Variants in SOS1 observed in about 807,000 individuals in gnomAD.
SOS1 encodes son of sevenless homolog 1.
Under a neutral mutation model 157.6 loss-of-function variants are expected in SOS1, and 25 were observed. The observed-to-expected ratio is 0.16, with a 90% CI of 0.12 to 0.22. SOS1 has a LOEUF of 0.22. SOS1 is among the 10% of genes least tolerant of loss of function. The pLI is 1.00. For synonymous variants in SOS1, 528 were observed against 534.0 expected, an observed-to-expected ratio of 0.99 and a Z score of 0.16; for missense variants, 1,237 against 1,599.1, an observed-to-expected ratio of 0.77 and a Z score of 3.86.
intron 2 of SOS1, among the ~76,000 whole-genome samples, chr2:39,062,435 T>TAAAAAAAAAAAAAAAAAAA (rs397974197): frequency 7.2e-6 from 1 of 138,470 alleles, no homozygotes; most frequent in Non-Finnish European, 1.6e-5. Context: ...AAAAAAAAAT[T>TAAAAAAAAAAAAAAAAAAA]AAAAAAAAAA....
At chr2:39,121,230 A>C (rs1673882961), upstream of SOS1, among the ~76,000 whole-genome samples, 1 of 152,066 alleles carries the variant, frequency 6.6e-6, no homozygotes, top group African/African-American at 2.4e-5. Flanking sequence ...GCACCCTGGC[A>C]AAGTGGGGCC....
At position 38,983,757 on chromosome 2, in the gene SOS1, ACTGT is replaced by A. The variant is rs886056011; in HGVS notation, c.*2063_*2066del. 3 of 152,144 alleles carry A rather than the reference ACTGT, an allele frequency of 2.0e-5. No homozygotes were observed. The highest frequency in any genetic ancestry group is 4.4e-5 in the Non-Finnish European group (3 of 68,008). 9.4% of individuals were successfully genotyped at this position (152,144 alleles called of 1,614,324 possible). On this transcript the variant is annotated 3_prime_UTR_variant, in exon 23 of 23. Transcript: ENST00000402219. ...AGTATAAAGTCCAGGGAGATTCTGGACTGTCTATCATGATTAGTTGTAGCGGCTC... is the reference window on the plus strand; with the variant it reads ...AGTATAAAGTCCAGGGAGATTCTGGACTATCATGATTAGTTGTAGCGGCTC...
At chr2:39,028,864 G>A (rs576714559) in intron 8 of SOS1, among the ~76,000 whole-genome samples, 5 of 152,252 alleles carry the variant, frequency 3.3e-5, no homozygotes, top group Admixed American at 6.5e-5. Flanking sequence ...TTCACATTTC[G>A]ATTTTGGAAT....
chr2:39,051,404 A>C, intron 5 of SOS1, 117 bp from the exon 6 acceptor site: 2 of 856,896 alleles, frequency 2.3e-6, no homozygotes. Flanking sequence ...CACAGTGAAA[A>C]ATTTTAATGA....
Position 39,098,747 on chromosome 2 carries a change from G to T in SOS1, c.87+21589C>A, listed in dbSNP as rs190801562. ...TACTAAAAATACAAAAAATTACCCA[G>T]GTGTGGTGGCAGGCGCCTGTGGTCC... is the stretch of plus-strand genomic sequence containing the variant. On this transcript the variant is annotated intron_variant, in intron 1 of 22. Transcript: ENST00000402219. 1.1e-3 allele frequency among the ~76,000 whole-genome samples: 168 copies of T among 152,264 alleles called. 1 individual carries two copies. The highest frequency in any genetic ancestry group is 3.9e-3 in the African/African-American group (163 of 41,554).
intron 1 of SOS1, among the ~76,000 whole-genome samples, chr2:39,079,760 T>C (rs1019571224): frequency 6.6e-6 from 1 of 152,156 alleles, no homozygotes; most frequent in Non-Finnish European, 1.5e-5. Flanking sequence ...CCCAAAGTGC[T>C]GGGATTACAG....
At chr2:39,060,428 G>T (rs1249984617) in intron 2 of SOS1, among the ~76,000 whole-genome samples, 1 of 152,022 alleles carries the variant, frequency 6.6e-6, no homozygotes, top group Non-Finnish European at 1.5e-5. Context: ...TTTTTTATTT[G>T]TATATTTATT....
intron 22 of SOS1, 60 bp from the exon 23 acceptor site, chr2:38,986,375 A>AT: frequency 6.8e-7 from 1 of 1,460,944 alleles, no homozygotes; most frequent in Non-Finnish European, 9.3e-7. Context: ...TATCATGACT[A>AT]TAAGAATTAA....
intron 1 of SOS1, among the ~76,000 whole-genome samples, chr2:39,111,518 A>ATAC (rs1484790753): frequency 6.6e-6 from 1 of 152,180 alleles, no homozygotes; most frequent in Admixed American, 6.5e-5. Context: ...AGGAGGTGAG[A>ATAC]AGTAGTTGCC....
At chr2:39,077,240 G>C (rs561670389) in intron 1 of SOS1, among the ~76,000 whole-genome samples, 1 of 151,680 alleles carries the variant, frequency 6.6e-6, no homozygotes, top group African/African-American at 2.4e-5. Context: ...CTACTTGGGA[G>C]GCTGAGGCTA....
At chr2:39,010,315 C>CAA (rs113164980) in intron 15 of SOS1, among the ~76,000 whole-genome samples, 107 of 91,634 alleles carry the variant, frequency 1.2e-3, no homozygotes, top group Non-Finnish European at 1.8e-3. Flanking sequence ...GACTCTGTCT[C>CAA]AAAAAAAAAA....
chr2:39,025,094 CA>C (rs1558475711), intron 8 of SOS1, among the ~76,000 whole-genome samples: 2 of 152,108 alleles, frequency 1.3e-5, no homozygotes, highest in Non-Finnish European at 2.9e-5. Flanking sequence ...TCCTGGTTAC[CA>C]AAAGGAAAAG....
At chr2:39,074,903 T>C (rs1671917542) in intron 1 of SOS1, among the ~76,000 whole-genome samples, 2 of 146,444 alleles carry the variant, frequency 1.4e-5, no homozygotes, top group Admixed American at 6.8e-5. Context: ...GCACAGAGAC[T>C]AAGAACAAAA....
chr2:39,122,405 G>C (rs1410936324), upstream of SOS1, among the ~76,000 whole-genome samples: 1 of 150,182 alleles, frequency 6.7e-6, no homozygotes, highest in Non-Finnish European at 1.5e-5. Flanking sequence ...ACTCCAGCCT[G>C]GGCAACAAAA....
At chr2:39,028,961 A>AG (rs1237667102) in intron 8 of SOS1, among the ~76,000 whole-genome samples, 7 of 152,262 alleles carry the variant, frequency 4.6e-5, no homozygotes, top group Admixed American at 4.6e-4. Context: ...TAGCCCTCTT[A>AG]GCAAATGTAT....
At chr2:39,013,375 C>T (rs1239874626) in intron 13 of SOS1, 85 bp downstream of exon 13, 6 of 854,834 alleles carry the variant, frequency 7.0e-6, no homozygotes, top group Non-Finnish European at 4.0e-6. Context: ...TCTTACATTA[C>T]TGAGCCCCAA....
chr2:39,072,450 C>CATAAGCCTTT (rs1671823747), intron 1 of SOS1, among the ~76,000 whole-genome samples: 1 of 152,116 alleles, frequency 6.6e-6, no homozygotes, highest in African/African-American at 2.4e-5. Flanking sequence ...ATTTCAGGAG[C>CATAAGCCTTT]ATAAGCCTTT....
intron 5 of SOS1, 28 bp downstream of exon 5, chr2:39,054,586 T>A: frequency 1.6e-6 from 2 of 1,257,806 alleles, no homozygotes; most frequent in Non-Finnish European, 1.2e-6. Context: ...ACACATTCAA[T>A]GAGAGGCATA....
chr2:39,080,260 T>C (rs1322283003), intron 1 of SOS1, among the ~76,000 whole-genome samples: 2 of 151,990 alleles, frequency 1.3e-5, no homozygotes, highest in Admixed American at 6.6e-5. Context: ...ATGCCTCACA[T>C]GCACAGTTCA....
Sources: gnomAD v4.1 joint callset for allele counts (sites outside exome capture counted in the v4.1 genomes callset) on GRCh38, gnomAD v4.1.1 for gene constraint, MANE v1.5 for transcripts, NCBI Gene and HGNC (gene_info 2026-07-23, HGNC 2026-07-21) for gene names.